VPS13D: variants seen among roughly 807,000 people sequenced by gnomAD.
VPS13D encodes the protein vacuolar protein sorting 13 homolog D, also known as intermembrane lipid transfer protein VPS13D.
A neutral mutation model predicts 461.9 loss-of-function variants in VPS13D; 187 were observed. That is an observed-to-expected ratio of 0.40 (90% CI 0.36 to 0.46). VPS13D has a LOEUF of 0.46. VPS13D is among the 20% of genes least tolerant of loss of function. The probability of loss-of-function intolerance (pLI) is 0.60; values close to 1 mark genes in which losing one functional copy is unlikely to be tolerated. For synonymous variants in VPS13D, 1,951 were observed against 1,986.3 expected, an observed-to-expected ratio of 0.98 and a Z score of 0.47; for missense variants, 4,711 against 5,364.9, an observed-to-expected ratio of 0.88 and a Z score of 3.81.
At chr1:12,474,651 C>T (rs888128406) in intron 67 of VPS13D, among the ~76,000 whole-genome samples, 3 of 152,216 alleles carry the variant, frequency 2.0e-5, no homozygotes, top group Non-Finnish European at 4.4e-5. Flanking sequence ...TGTGGATTAT[C>T]GTAATGCCTT....
chr1:12,403,762 G>T (rs1557759311), intron 62 of VPS13D, 63 bp from the exon 63 acceptor site: 2 of 1,457,670 alleles, frequency 1.4e-6, no homozygotes, highest in East Asian at 2.4e-5. Flanking sequence ...ATACAAAGTG[G>T]ATTCTGTGGA....
rs751658975 is a variant in VPS13D at position 12,382,965 on chromosome 1, A to G, written c.11191-11A>G. ...TCTTTTCTCACATGTCTCTACTCCA[A>G]TGTCTTTTAGGCCAAAGGAGGACTT... On this transcript the variant is annotated splice_polypyrimidine_tract_variant and intron_variant, in intron 57 of 69. Transcript: ENST00000620676. The G allele has an allele frequency of 7.5e-6, 12 of 1,610,154 alleles. No homozygotes were observed. The highest frequency in any genetic ancestry group is 9.3e-6 in the Non-Finnish European group (11 of 1,178,694).
At chr1:12,360,410 G>A (rs112702332) in intron 50 of VPS13D, among the ~76,000 whole-genome samples, 3,425 of 152,226 alleles carry the variant, frequency 0.022, 53 homozygotes, top group Non-Finnish European at 0.036. Context: ...CAAAAAGAAC[G>A]ATTTTGTGCC....
At chr1:12,479,115 A>G (rs985123038) in intron 67 of VPS13D, among the ~76,000 whole-genome samples, 10 of 152,232 alleles carry the variant, frequency 6.6e-5, no homozygotes, top group African/African-American at 2.2e-4. Context: ...GGCATGTAGA[A>G]ATAGGCACAT....
chr1:12,446,489 A>C (rs903375602), intron 65 of VPS13D, among the ~76,000 whole-genome samples: 2 of 152,012 alleles, frequency 1.3e-5, no homozygotes, highest in African/African-American at 4.8e-5. Flanking sequence ...TGAACTTTCA[A>C]AATCTTCTTT....
chr1:12,475,657 G>A (rs1039789742), intron 67 of VPS13D, among the ~76,000 whole-genome samples: 1 of 152,180 alleles, frequency 6.6e-6, no homozygotes, highest in Admixed American at 6.5e-5. Context: ...AGCCAATTTG[G>A]CCTTGTCACC....
rs182195942 is a variant in VPS13D at position 12,508,474 on chromosome 1, G to C, written c.13036-419G>C. On this transcript the variant is annotated intron_variant, in intron 69 of 69. Coordinates refer to ENST00000620676, the MANE Select transcript of VPS13D (RefSeq NM_015378.4). ...TAATCCCAGCACTTTGGGAGGCCGA[G>C]GCGGGCGGATCACGAGGTCAGGAGT... Among the ~76,000 whole-genome samples the C allele has an allele frequency of 4.0e-3, 599 of 151,624 alleles. 3 individuals carry two copies. Among genetic ancestry groups the C allele is most frequent in the Non-Finnish European group, 5.5e-3 (373 of 67,942 alleles).
At chr1:12,452,411 T>G (rs1238663112) in intron 65 of VPS13D, among the ~76,000 whole-genome samples, 3 of 152,180 alleles carry the variant, frequency 2.0e-5, no homozygotes, top group African/African-American at 7.2e-5. Context: ...GTCAAGGACC[T>G]GGGTAAAATA....
chr1:12,388,916 C>T (rs77507942), intron 60 of VPS13D, among the ~76,000 whole-genome samples: 122 of 152,224 alleles, frequency 8.0e-4, no homozygotes, highest in East Asian at 2.9e-3. Flanking sequence ...TAACATCAGA[C>T]GGAATAGATT....
rs902201653 is a variant in VPS13D at position 12,262,166 on chromosome 1, A to G, written c.1594+86A>G. The G allele has an allele frequency of 2.8e-5, 40 of 1,431,418 alleles. No individual in the cohort carries two copies. The African/African-American group carries it at 5.7e-4, about 20-fold the overall frequency. 88.7% of individuals were successfully genotyped at this position (1,431,418 alleles called of 1,614,324 possible). ...GATTCTCATTATTTGCTGTGGGGAT[A>G]GTCTAGAAAGTCAGTGCGAAAACTG... On this transcript the variant is annotated intron_variant, in intron 13 of 69. Transcript: ENST00000620676.
chr1:12,363,694 C>G (rs1360155953), intron 52 of VPS13D, among the ~76,000 whole-genome samples: 1 of 152,152 alleles, frequency 6.6e-6, no homozygotes, highest in South Asian at 2.1e-4. Flanking sequence ...GTGGCTCATG[C>G]CTGTAATCCT....
At chr1:12,408,563 C>G (rs534658510) in intron 63 of VPS13D, among the ~76,000 whole-genome samples, 5 of 152,264 alleles carry the variant, frequency 3.3e-5, no homozygotes, top group Admixed American at 1.3e-4. Context: ...CAGAGTTTTA[C>G]CATGTTGCCC....
At chr1:12,249,571 A>G (rs917787732) in intron 6 of VPS13D, 6 of 354,980 alleles carry the variant, frequency 1.7e-5, no homozygotes, top group Non-Finnish European at 3.0e-5. Flanking sequence ...ACATGAAGAA[A>G]CTGAGGGGCA....
intron 33 of VPS13D, among the ~76,000 whole-genome samples, chr1:12,322,267 C>T (rs528962359): frequency 4.5e-4 from 68 of 152,146 alleles, no homozygotes; most frequent in African/African-American, 1.5e-3. Context: ...AGGGTTTTAC[C>T]GTGTTAGCCA....
rs1644491265 is a variant in VPS13D, at chr1:12,396,000, T to TAG, written c.11635-4180_11635-4179insGA. Reference sequence around the variant, plus strand: ...AGAGGGATAGAACTAATAGGAGATATATATATATATATATATATATATATA... The same window carrying TAG: ...AGAGGGATAGAACTAATAGGAGATATAGATATATATATATATATATATATATA... On this transcript the variant is annotated intron_variant, in intron 60 of 69. Coordinates refer to ENST00000620676, the MANE Select transcript of VPS13D (RefSeq NM_015378.4). Among the ~76,000 whole-genome samples, 20 of 123,674 alleles carry TAG rather than the reference T, an allele frequency of 1.6e-4. 1 individual carries two copies. Among genetic ancestry groups the TAG allele is most frequent in the African/African-American group, 6.6e-4 (19 of 28,664 alleles). 81.1% of individuals were successfully genotyped at this position (123,674 alleles called of 152,430 possible).
At chr1:12,446,355 T>A (rs1253532501) in intron 65 of VPS13D, among the ~76,000 whole-genome samples, 1 of 151,034 alleles carries the variant, frequency 6.6e-6, no homozygotes, top group Non-Finnish European at 1.5e-5. Context: ...AGGCTGAGGT[T>A]GCAGTGAGCC....
rs772650808 is a variant in VPS13D at position 12,507,079 on chromosome 1, C to T, written c.13021C>T (p.His4341Tyr). The T allele has an allele frequency of 5.6e-6, 9 of 1,614,192 alleles. No homozygotes were observed. The highest frequency in any genetic ancestry group is 6.8e-6 in the Non-Finnish European group (8 of 1,180,028). The change falls in exon 69 of 70, where the codon CAC (histidine) becomes TAC (tyrosine). Residue 4341 changes from histidine (H) to tyrosine (Y), a missense_variant. His to Tyr is a moderately conservative substitution (Grantham distance 83). This residue lies in a region of VPS13D where 194 missense variants were observed against 220.9 expected (regional missense o/e 0.88). Coordinates refer to ENST00000620676, the MANE Select transcript of VPS13D (RefSeq NM_015378.4). The surrounding 1 kb of genome is among the most constrained non-coding windows in gnomAD (Gnocchi z 5.3). ...SSGVSIPGPS[H>Y]QKPMVHVKSE... ...TGGAGTGTCCATCCCCGGCCCCTCCCACCAGAAGCCCATGGTGAGTGCCTG... is the reference window on the plus strand; with the variant it reads ...TGGAGTGTCCATCCCCGGCCCCTCCTACCAGAAGCCCATGGTGAGTGCCTG...
chr1:12,366,067 TAA>T (rs1023660732), intron 52 of VPS13D, among the ~76,000 whole-genome samples: 1 of 143,972 alleles, frequency 6.9e-6, no homozygotes. Flanking sequence ...CTGGCTAATT[TAA>T]AAAAAAAAAA....
At chr1:12,378,402 T>C (rs1178229746) in intron 55 of VPS13D, 26 bp from the exon 56 acceptor site, 1 of 1,558,168 alleles carries the variant, frequency 6.4e-7, no homozygotes, top group Admixed American at 1.9e-5. Context: ...TGGCTCTTTC[T>C]CTTTTTGCTT....
Sources: allele counts gnomAD v4.1 joint callset (sites outside exome capture counted in the v4.1 genomes callset), GRCh38; gene constraint gnomAD v4.1.1; regional missense constraint gnomAD v4.1.1; non-coding constraint Gnocchi (gnomAD v3.1); transcripts MANE v1.5; gene names NCBI Gene and HGNC (gene_info 2026-07-23, HGNC 2026-07-21).